Variants in FKBP6 observed in about 807,000 individuals in gnomAD.
FKBP6 encodes FKBP prolyl isomerase family member 6 (inactive), also known as inactive peptidyl-prolyl cis-trans isomerase FKBP6.
In FKBP6, 29 loss-of-function variants were observed where a neutral mutation model predicts 41.7. The observed-to-expected ratio is 0.70, with a 90% CI of 0.52 to 0.95. FKBP6 has a LOEUF of 0.95. Ranked by LOEUF, FKBP6 falls within the 40% of genes least tolerant of loss-of-function variation. The pLI is 0.00. For synonymous variants in FKBP6, 130 were observed against 165.1 expected, an observed-to-expected ratio of 0.79 and a Z score of 1.63; for missense variants, 338 against 408.7, an observed-to-expected ratio of 0.83 and a Z score of 1.49.
At chr7:73,335,330 A>G (rs1221642197) in intron 5 of FKBP6, among the ~76,000 whole-genome samples, 2 of 152,200 alleles carry the variant, frequency 1.3e-5, no homozygotes, top group Non-Finnish European at 1.5e-5. Flanking sequence ...GGTCAAAGAC[A>G]GCCTGCACAC....
chr7:73,348,177 C>G (rs1805386870), intron 8 of FKBP6, among the ~76,000 whole-genome samples: 1 of 151,300 alleles, frequency 6.6e-6, no homozygotes, highest in Non-Finnish European at 1.5e-5. Context: ...TCCTTAAAAT[C>G]TTTTTTTTCT....
chr7:73,337,998 A>G (rs1342256844), intron 5 of FKBP6, among the ~76,000 whole-genome samples: 1 of 152,164 alleles, frequency 6.6e-6, no homozygotes, highest in Non-Finnish European at 1.5e-5. Context: ...AGGTTTATCC[A>G]TGTTGTAGCT....
intron 8 of FKBP6, among the ~76,000 whole-genome samples, chr7:73,349,546 C>CAAAAAAA (rs1175280907): frequency 3.9e-4 from 19 of 48,654 alleles, no homozygotes; most frequent in Non-Finnish European, 5.3e-4. Context: ...TACTAAAATA[C>CAAAAAAA]AAAAAAAAAA....
chr7:73,334,531 C>T (rs367598973), intron 5 of FKBP6, among the ~76,000 whole-genome samples: 1 of 152,022 alleles, frequency 6.6e-6, no homozygotes, highest in African/African-American at 2.4e-5. Flanking sequence ...CACCTATAAT[C>T]CCAGCACTTC....
At chr7:73,342,043 G>A (rs575126292) in intron 7 of FKBP6, among the ~76,000 whole-genome samples, 1 of 152,020 alleles carries the variant, frequency 6.6e-6, no homozygotes. Context: ...CTAACCAAGT[G>A]CAGAAAGGCC....
At chr7:73,338,614 A>G (rs1457490606) in intron 5 of FKBP6, among the ~76,000 whole-genome samples, 2 of 152,160 alleles carry the variant, frequency 1.3e-5, no homozygotes, top group Non-Finnish European at 2.9e-5. Context: ...GAAGCTTCCA[A>G]TTTCTCCACA....
At chr7:73,357,269 GTTTTTTTTT>G (rs11430645) in intron 8 of FKBP6, among the ~76,000 whole-genome samples, 6 of 96,816 alleles carry the variant, frequency 6.2e-5, no homozygotes, top group African/African-American at 2.5e-4. Context: ...GTTTGGTTTG[GTTTTTTTTT>G]TTTTTTTTTT....
At chr7:73,338,098 T>C (rs1805063650) in intron 5 of FKBP6, among the ~76,000 whole-genome samples, 1 of 152,188 alleles carries the variant, frequency 6.6e-6, no homozygotes, top group Non-Finnish European at 1.5e-5. Flanking sequence ...CGATCTCGGC[T>C]CACTGCAACC....
At chr7:73,329,857 G>A in intron 3 of FKBP6, 1 of 542,036 alleles carries the variant, frequency 1.8e-6, no homozygotes, top group Non-Finnish European at 3.3e-6. Context: ...GAGTGCCTGG[G>A]AGGTGAAAGC....
chr7:73,357,066 G>C (rs571759862), intron 8 of FKBP6, among the ~76,000 whole-genome samples: 1 of 152,282 alleles, frequency 6.6e-6, no homozygotes, highest in African/African-American at 2.4e-5. Context: ...ACAGGCATGA[G>C]CCACTGTGCC....
Position 73,358,553 on chromosome 7 carries a change from T to C in FKBP6, c.*375T>C, listed in dbSNP as rs939500445. On this transcript the variant is annotated 3_prime_UTR_variant, in exon 9 of 9. Transcript: ENST00000252037. ...TTGCTTTGTGTATTTTGTAGGGTTC[T>C]CTGTTTTGAAGACAGAATTATGTTA... The C allele has an allele frequency of 3.9e-5, 6 of 152,664 alleles. No homozygotes were observed. Among genetic ancestry groups the C allele is most frequent in the Admixed American group, 6.5e-5 (1 of 15,272 alleles). 9.5% of individuals were successfully genotyped at this position (152,664 alleles called of 1,614,324 possible).
At chr7:73,330,872 C>G (rs1276849093) in intron 4 of FKBP6, among the ~76,000 whole-genome samples, 1 of 152,218 alleles carries the variant, frequency 6.6e-6, no homozygotes, top group Non-Finnish European at 1.5e-5. Context: ...TAGCCTTTCA[C>G]TTAACCCTGT....
intron 8 of FKBP6, among the ~76,000 whole-genome samples, chr7:73,348,216 C>G (rs1394570770): frequency 6.6e-6 from 1 of 151,948 alleles, no homozygotes; most frequent in African/African-American, 2.4e-5. Flanking sequence ...AATTTTCCAA[C>G]TCTTCCATCT....
chr7:73,352,027 A>G (rs193142376), intron 8 of FKBP6, among the ~76,000 whole-genome samples: 1 of 152,320 alleles, frequency 6.6e-6, no homozygotes, highest in East Asian at 1.9e-4. Context: ...GCTAGAGTGC[A>G]GTGGTGCAGT....
At chr7:73,341,505 C>T (rs1458304947) in intron 7 of FKBP6, 123 bp downstream of exon 7, 1 of 749,324 alleles carries the variant, frequency 1.3e-6, no homozygotes, top group Non-Finnish European at 2.4e-6. Context: ...AGGCCGCCCC[C>T]TCTACAGCTG....
At chr7:73,330,707 C>G (rs1451671626) in intron 4 of FKBP6, among the ~76,000 whole-genome samples, 1 of 152,168 alleles carries the variant, frequency 6.6e-6, no homozygotes, top group Admixed American at 6.5e-5. Context: ...ACTAGGGTGA[C>G]TGAATAATTG....
At chr7:73,350,909 A>T (rs1016136509) in intron 8 of FKBP6, among the ~76,000 whole-genome samples, 2 of 151,986 alleles carry the variant, frequency 1.3e-5, no homozygotes, top group East Asian at 3.9e-4. Flanking sequence ...GCAGATCATC[A>T]TCTCTCTCGG....
intron 8 of FKBP6, among the ~76,000 whole-genome samples, chr7:73,347,864 G>T (rs1554550500): frequency 6.6e-6 from 1 of 152,090 alleles, no homozygotes; most frequent in East Asian, 1.9e-4. Context: ...AGGCTGGTCT[G>T]GAACTCCTGG....
Position 73,330,264 on chromosome 7 carries a change from T to TC in FKBP6, c.386dup (p.Asn130LysfsTer7), listed in dbSNP as rs782784146. ...GGAACGCTGGGCTGCCCTCCCTTGA[T>TC]CCCCCCAAACACCACTGTCCTGTTT... is the stretch of plus-strand genomic sequence containing the variant. On this transcript the variant is annotated frameshift_variant, in exon 4 of 9. Coordinates refer to ENST00000252037, the MANE Select transcript of FKBP6 (RefSeq NM_003602.5). LOFTEE classifies it high-confidence loss of function. 12 of 1,613,914 alleles carry TC rather than the reference T, an allele frequency of 7.4e-6. No individual in the cohort carries two copies. Among genetic ancestry groups the TC allele is most frequent in the African/African-American group, 2.7e-5 (2 of 74,894 alleles).
Sources: gnomAD v4.1 joint callset for allele counts (sites outside exome capture counted in the v4.1 genomes callset) on GRCh38, gnomAD v4.1.1 for gene constraint, MANE v1.5 for transcripts, NCBI Gene and HGNC (gene_info 2026-07-23, HGNC 2026-07-21) for gene names.